Variants in DAB1 observed in about 807,000 individuals in gnomAD.
DAB1 encodes disabled homolog 1.
DAB1 carries 15 observed loss-of-function variants against 64.6 expected under a neutral mutation model. That is an observed-to-expected ratio of 0.23 (90% CI 0.16 to 0.36). The LOEUF (loss-of-function observed/expected upper bound fraction) is 0.36, where lower values mean the gene tolerates loss of function less well. Among genes scored for constraint, DAB1 ranks in the 10% least tolerant of loss-of-function variants. The pLI is 1.00. For missense variants in DAB1, 596 were observed against 706.7 expected (o/e 0.84, Z 1.78); for synonymous variants, 235 against 251.9 (o/e 0.93, Z 0.64).
chr1:57,692,784 T>C (rs1646779222), intron 6 of DAB1, among the ~76,000 whole-genome samples: 1 of 152,204 alleles, frequency 6.6e-6, no homozygotes, highest in African/African-American at 2.4e-5. Flanking sequence ...ACCTCCTTAC[T>C]GCTGAGAAAG....
intron 3 of DAB1, among the ~76,000 whole-genome samples, chr1:58,418,824 G>A: frequency 6.6e-6 from 1 of 152,100 alleles, no homozygotes; most frequent in Admixed American, 6.6e-5. Flanking sequence ...TAAGTGAGGA[G>A]GCTAAGATAA....
chr1:57,066,797 G>T (rs1427331063), intron 8 of DAB1, among the ~76,000 whole-genome samples: 1 of 152,176 alleles, frequency 6.6e-6, no homozygotes, highest in African/African-American at 2.4e-5. Context: ...TAGGAGCAGA[G>T]AATATATTAT....
intron 1 of DAB1, among the ~76,000 whole-genome samples, chr1:57,394,883 T>A (rs1311288582): frequency 6.6e-6 from 1 of 152,234 alleles, no homozygotes; most frequent in Non-Finnish European, 1.5e-5. Flanking sequence ...TTGGAGAATG[T>A]TTTTAGATTA....
intron 5 of DAB1, among the ~76,000 whole-genome samples, chr1:57,920,817 C>T (rs140351522): frequency 4.3e-4 from 66 of 152,302 alleles, no homozygotes; most frequent in African/African-American, 1.5e-3. Context: ...TTCTCCCTGA[C>T]AGGTACCACT....
intron 6 of DAB1, among the ~76,000 whole-genome samples, chr1:57,726,186 A>T (rs539961755): frequency 1.3e-5 from 2 of 152,250 alleles, no homozygotes; most frequent in Non-Finnish European, 2.9e-5. Flanking sequence ...AGAGTAAAGT[A>T]AAAGTTGTAA....
At chr1:57,543,703 G>A (rs1040738682) in intron 7 of DAB1, among the ~76,000 whole-genome samples, 1 of 152,128 alleles carries the variant, frequency 6.6e-6, no homozygotes, top group Non-Finnish European at 1.5e-5. Flanking sequence ...AAGGATTTGA[G>A]TAGAAGGAAT....
At chr1:58,382,860 A>G (rs1008043442) in intron 3 of DAB1, among the ~76,000 whole-genome samples, 4 of 152,196 alleles carry the variant, frequency 2.6e-5, no homozygotes, top group African/African-American at 7.2e-5. Flanking sequence ...AGAACCACAC[A>G]GACCTGAGTT....
chr1:57,126,822 G>C (rs1657166861), intron 4 of DAB1, among the ~76,000 whole-genome samples: 1 of 152,124 alleles, frequency 6.6e-6, no homozygotes, highest in Non-Finnish European at 1.5e-5. Context: ...CAGTCCCTGG[G>C]CTCCTCTCCA....
chr1:57,520,623 C>A (rs1644514690), intron 7 of DAB1, among the ~76,000 whole-genome samples: 3 of 152,070 alleles, frequency 2.0e-5, no homozygotes. Flanking sequence ...ATACTGCTAT[C>A]AATTGGAAGC....
At chr1:57,473,409 G>T (rs1034422430) in intron 7 of DAB1, among the ~76,000 whole-genome samples, 20 of 152,108 alleles carry the variant, frequency 1.3e-4, no homozygotes, top group African/African-American at 4.6e-4. Context: ...CACTGACACA[G>T]GTGAGACAAA....
At chr1:57,843,367 T>A (rs1375045299) in intron 1 of DAB1, among the ~76,000 whole-genome samples, 2 of 152,182 alleles carry the variant, frequency 1.3e-5, no homozygotes, top group Non-Finnish European at 2.9e-5. Context: ...TCTTCTTTGG[T>A]TATTATCTAG....
At chr1:58,025,018 C>G (rs1269239100) in intron 5 of DAB1, among the ~76,000 whole-genome samples, 1 of 152,076 alleles carries the variant, frequency 6.6e-6, no homozygotes, top group Non-Finnish European at 1.5e-5. Flanking sequence ...CCATCTATCT[C>G]TCCACCTATC....
chr1:58,048,775 T>C (rs551720065), intron 5 of DAB1: 2 of 1,207,290 alleles, frequency 1.7e-6, no homozygotes, highest in Admixed American at 1.7e-5. Flanking sequence ...TTCACAGTTG[T>C]GGCCATTCAC....
chr1:58,217,550 C>T (rs550744190), intron 4 of DAB1, among the ~76,000 whole-genome samples: 2 of 152,208 alleles, frequency 1.3e-5, no homozygotes, highest in Non-Finnish European at 2.9e-5. Flanking sequence ...TGCTTCCTCG[C>T]CTTGTCAAGT....
At chr1:57,512,038 T>G (rs564524715) in intron 7 of DAB1, among the ~76,000 whole-genome samples, 5 of 152,200 alleles carry the variant, frequency 3.3e-5, no homozygotes, top group Admixed American at 6.5e-5. Context: ...CACTAGGAGA[T>G]AGAAACTATG....
chr1:57,339,836 AAACTT>A (rs1383083693), intron 1 of DAB1, among the ~76,000 whole-genome samples: 1 of 152,224 alleles, frequency 6.6e-6, no homozygotes, highest in Non-Finnish European at 1.5e-5. Flanking sequence ...TTAGTACTGA[AAACTT>A]AAGCATCAAC....
chr1:57,553,230 A>G (rs575744227), intron 7 of DAB1, among the ~76,000 whole-genome samples: 3 of 151,362 alleles, frequency 2.0e-5, no homozygotes, highest in East Asian at 3.9e-4. Flanking sequence ...TTAGTGGGGG[A>G]AAAAATGGGT....
chr1:57,336,458 T>G (rs1037165356), intron 1 of DAB1, among the ~76,000 whole-genome samples: 3 of 152,224 alleles, frequency 2.0e-5, no homozygotes, highest in Non-Finnish European at 4.4e-5. Context: ...AGTATGCTAA[T>G]GTTACCAGGA....
chr1:58,213,345 T>C (rs867117947), intron 4 of DAB1, among the ~76,000 whole-genome samples: 1 of 152,120 alleles, frequency 6.6e-6, no homozygotes, highest in Non-Finnish European at 1.5e-5. Flanking sequence ...GTTCTTATGC[T>C]GCTAATAAAG....
Sources: gnomAD v4.1 joint callset for allele counts (sites outside exome capture counted in the v4.1 genomes callset) on GRCh38, gnomAD v4.1.1 for gene constraint, MANE v1.5 for transcripts, NCBI Gene and HGNC (gene_info 2026-07-23, HGNC 2026-07-21) for gene names.